ZC3HAV1: variants seen among roughly 807,000 people sequenced by gnomAD.
The protein encoded by ZC3HAV1 is zinc finger CCCH-type containing, antiviral 1.
In ZC3HAV1, 41 loss-of-function variants were observed where a neutral mutation model predicts 86.6. The ratio of observed to expected loss-of-function variants is 0.47; its 90% CI spans 0.37 to 0.61. The LOEUF (loss-of-function observed/expected upper bound fraction) is 0.61, where lower values mean the gene tolerates loss of function less well. Among genes scored for constraint, ZC3HAV1 ranks in the 20% least tolerant of loss-of-function variants. The pLI, the probability that ZC3HAV1 is intolerant of heterozygous loss-of-function variation, is 0.00. For synonymous variants in ZC3HAV1, 421 were observed against 432.1 expected (o/e 0.97, Z 0.32); for missense variants, 964 against 1,141.1 (o/e 0.84, Z 2.24).
intron 8 of ZC3HAV1, among the ~76,000 whole-genome samples, chr7:139,062,221 CAT>C (rs1309568048): frequency 6.6e-6 from 1 of 150,494 alleles, no homozygotes; most frequent in Non-Finnish European, 1.5e-5. Context: ...ATGAAACAAA[CAT>C]AAACCACACA....
chr7:139,085,404 G>T (rs905151598), intron 2 of ZC3HAV1, among the ~76,000 whole-genome samples: 2 of 152,182 alleles, frequency 1.3e-5, no homozygotes, highest in Non-Finnish European at 2.9e-5. Flanking sequence ...AGGCAGTCAG[G>T]TTTGCCTGAT....
At chr7:139,094,663 A>G (rs184329753) in intron 1 of ZC3HAV1, among the ~76,000 whole-genome samples, 3 of 152,236 alleles carry the variant, frequency 2.0e-5, no homozygotes, top group Non-Finnish European at 4.4e-5. Context: ...CTCTCTCACC[A>G]CGGGTGCAGT....
At chr7:139,097,412 A>ATTTTTTTTTT (rs1387959860) in intron 1 of ZC3HAV1, among the ~76,000 whole-genome samples, 4 of 74,390 alleles carry the variant, frequency 5.4e-5, no homozygotes, top group African/African-American at 8.0e-5. Flanking sequence ...ATATATATAT[A>ATTTTTTTTTT]TATATATATA....
At position 139,064,799 on chromosome 7, in the gene ZC3HAV1, A is replaced by G. The variant is rs1034084167; in HGVS notation, c.1993+80T>C. On this transcript the variant is annotated intron_variant, in intron 8 of 12. Transcript: ENST00000242351. ...CTTGACCCTGGCCATAGCAATGCAT[A>G]CCCACTCTGCTCCCACTCCCACGTG... is the stretch of plus-strand genomic sequence containing the variant. 8.2e-5 allele frequency: 131 copies of G among 1,606,136 alleles called. No homozygotes were observed. In the African/African-American group the frequency reaches 1.5e-3, roughly 18 times the overall value.
intron 1 of ZC3HAV1, among the ~76,000 whole-genome samples, chr7:139,103,526 G>A (rs1248154475): frequency 1.3e-5 from 2 of 152,136 alleles, no homozygotes; most frequent in Non-Finnish European, 2.9e-5. Flanking sequence ...GGGACACTCA[G>A]ACATATAAGT....
At position 139,109,199 on chromosome 7, in the gene ZC3HAV1, C is replaced by T. The variant is rs1818031809; in HGVS notation, c.133G>A (p.Gly45Arg). The T allele has an allele frequency of 1.9e-6, 3 of 1,607,250 alleles. No individual in the cohort carries two copies. The highest frequency in any genetic ancestry group is 1.7e-5 in the Admixed American group (1 of 59,128). The change falls in exon 1 of 13, where the codon GGG becomes AGG. Residue 45 changes from glycine to arginine, a missense_variant. Coordinates refer to ENST00000242351, the MANE Select transcript of ZC3HAV1 (RefSeq NM_020119.4). ...PQLCEVLQVA[G>R]PDRFVVLETG... Reference sequence around the variant, plus strand: ...TCCAACACCACAAAGCGGTCGGGCCCGGCCACCTGCAGCACCTCACAGAGC... The same window carrying T: ...TCCAACACCACAAAGCGGTCGGGCCTGGCCACCTGCAGCACCTCACAGAGC...
At chr7:139,067,090 T>C (rs932887947) in intron 7 of ZC3HAV1, among the ~76,000 whole-genome samples, 4 of 152,074 alleles carry the variant, frequency 2.6e-5, no homozygotes, top group African/African-American at 9.7e-5. Flanking sequence ...GTGATGAAAA[T>C]GTTCTCTGCG....
At chr7:139,079,322 T>C (rs1236794571) in intron 4 of ZC3HAV1, 148 bp downstream of exon 4, 2 of 1,547,918 alleles carry the variant, frequency 1.3e-6, no homozygotes, top group Non-Finnish European at 1.7e-6. Flanking sequence ...ACGTAACATA[T>C]CTTTTTCTGC....
rs184514440 is a variant in ZC3HAV1, at chr7:139,087,765, G to A, written c.444+1859C>T. ...GCATCTGAGCTGGGTGCAGTGGCTC[G>A]CACCTGTAATCCCAGTACTTTGAGA... On this transcript the variant is annotated intron_variant, in intron 2 of 12. Coordinates refer to ENST00000242351, the MANE Select transcript of ZC3HAV1 (RefSeq NM_020119.4). Among the ~76,000 whole-genome samples the A allele has an allele frequency of 4.6e-5, 7 of 152,020 alleles. No homozygotes were observed. In the East Asian group the frequency reaches 5.8e-4, roughly 13 times the overall value.
intron 2 of ZC3HAV1, among the ~76,000 whole-genome samples, chr7:139,087,303 G>A (rs557125325): frequency 1.3e-5 from 2 of 152,246 alleles, no homozygotes; most frequent in East Asian, 3.9e-4. Context: ...TAGTACCTAG[G>A]CCAAGGGCCA....
rs1045182227 is a variant in ZC3HAV1, at chr7:139,044,893, A to C, written c.*2701T>G. 1.3e-5 allele frequency: 2 copies of C among 152,348 alleles called. No individual in the cohort carries two copies. The highest frequency in any genetic ancestry group is 2.9e-5 in the Non-Finnish European group (2 of 68,032). The allele number at this position is 152,348 out of a possible 1,614,324, so 9.4% of individuals were successfully genotyped here. A position where few individuals can be genotyped will look rare whatever the true frequency, so the allele number is the denominator to read the frequency against. ...TTATTTCGTTCTTTCTCTTATATAC[A>C]AATAAGTATTGTCATATGCAAAGAA... On this transcript the variant is annotated 3_prime_UTR_variant, in exon 13 of 13. Transcript: ENST00000242351.
At chr7:139,062,238 C>A (rs1005702847) in intron 8 of ZC3HAV1, among the ~76,000 whole-genome samples, 7 of 152,108 alleles carry the variant, frequency 4.6e-5, no homozygotes, top group Admixed American at 1.3e-4. Context: ...CACACACACA[C>A]ACACACACAC....
chr7:139,072,388 G>A lies in ZC3HAV1; in HGVS notation c.1872+1468C>T, dbSNP rs141262904. ...TTTAGTAGAGACAGGGTTTCACCAT[G>A]TTGGCCGGGCTGGTCTCGAACTCCT... is the stretch of plus-strand genomic sequence containing the variant. On this transcript the variant is annotated intron_variant, in intron 7 of 12. Transcript: ENST00000242351. 2.2e-3 allele frequency among the ~76,000 whole-genome samples: 335 copies of A among 152,182 alleles called. 1 individual carries two copies. Among genetic ancestry groups the A allele is most frequent in the African/African-American group, 7.7e-3 (321 of 41,492 alleles).
chr7:139,097,429 T>TATATATATATATATATATATATTTTTTA (rs1491244234), intron 1 of ZC3HAV1, among the ~76,000 whole-genome samples: 1 of 56,876 alleles, frequency 1.8e-5, no homozygotes, highest in African/African-American at 1.1e-4. Context: ...TATATATATA[T>TATATATATATATATATATATATTTTTTA]TTTTTTTTTT....
chr7:139,073,989 C>T lies in ZC3HAV1; in HGVS notation c.1739G>A (p.Ser580Asn), dbSNP rs778461468. ...GCGTCGGATGGGAAAGGAATCACAA[C>T]TCATTACCCGAAAATTGATTGTATA... ...GSYTINFRVM[S>N]CDSFPIRRLS... The change falls in exon 7 of 13, where the codon AGT (serine) becomes AAT (asparagine). Residue 580 changes from serine to asparagine, a missense_variant. By Grantham distance (46) the Ser-to-Asn change is conservative. Transcript: ENST00000242351. The T allele has an allele frequency of 8.1e-6, 13 of 1,613,588 alleles. No homozygotes were observed. Among genetic ancestry groups the T allele is most frequent in the Middle Eastern group, 3.3e-4 (2 of 6,082 alleles).
At chr7:139,059,540 C>T (rs964413184) in intron 9 of ZC3HAV1, among the ~76,000 whole-genome samples, 2 of 151,502 alleles carry the variant, frequency 1.3e-5, no homozygotes, top group Non-Finnish European at 2.9e-5. Context: ...TCACTTCAAC[C>T]AGGGAGGCAG....
chr7:139,060,949 A>G, intron 9 of ZC3HAV1, 87 bp downstream of exon 9: 2 of 1,604,244 alleles, frequency 1.2e-6, no homozygotes, highest in Non-Finnish European at 1.7e-6. Context: ...TCAGGAAAAC[A>G]GGCTCCAGAT....
chr7:139,058,953 G>A (rs1376207372), intron 9 of ZC3HAV1, among the ~76,000 whole-genome samples: 1 of 152,066 alleles, frequency 6.6e-6, no homozygotes, highest in East Asian at 1.9e-4. Context: ...GGTCTCACTA[G>A]TTGAGACTAA....
rs775045266 is a variant in ZC3HAV1 at position 139,079,472 on chromosome 7, T to C, written c.1469A>G (p.Asn490Ser). 10 of 1,614,148 alleles carry C rather than the reference T, an allele frequency of 6.2e-6. No individual in the cohort carries two copies. Among genetic ancestry groups the C allele is most frequent in the Non-Finnish European group, 8.5e-6 (10 of 1,180,002 alleles). The change falls in exon 4 of 13, where the codon AAC becomes AGC. Residue 490 changes from asparagine to serine, a missense_variant and splice_region_variant. Transcript: ENST00000242351. ...AAGTGTCTTCCCTTTGTATTTACCGTTAACAAGTGCTACTCTTGGGTCAGC... is the reference window on the plus strand; with the variant it reads ...AAGTGTCTTCCCTTTGTATTTACCGCTAACAAGTGCTACTCTTGGGTCAGC... Reference protein sequence around the residue: ...DDADPRVALVNDSLSDVTSTT... With the variant: ...DDADPRVALVSDSLSDVTSTT...
Sources: gnomAD v4.1 joint callset for allele counts (sites outside exome capture counted in the v4.1 genomes callset) on GRCh38, gnomAD v4.1.1 for gene constraint, MANE v1.5 for transcripts, NCBI Gene and HGNC (gene_info 2026-07-23, HGNC 2026-07-21) for gene names.